NEGR1: variants seen among roughly 807,000 people sequenced by gnomAD.
The protein encoded by NEGR1 is IgLON family member 4.
A neutral mutation model predicts 40.9 loss-of-function variants in NEGR1; 10 were observed. The ratio of observed to expected loss-of-function variants is 0.24; its 90% CI spans 0.15 to 0.42. The LOEUF is 0.42. NEGR1 is among the 10% of genes least tolerant of loss of function. NEGR1 has a pLI of 1.00. For synonymous variants in NEGR1, 185 were observed against 166.8 expected, an observed-to-expected ratio of 1.11 and a Z score of -0.84; for missense variants, 352 against 438.9, an observed-to-expected ratio of 0.80 and a Z score of 1.77.
intron 6 of NEGR1, among the ~76,000 whole-genome samples, chr1:71,414,367 A>G (rs1372762537): frequency 6.6e-6 from 1 of 152,196 alleles, no homozygotes; most frequent in Non-Finnish European, 1.5e-5. Flanking sequence ...CCGGAGGCTC[A>G]GATTACACTT....
rs1481839967 is a variant in NEGR1 at position 71,935,294 on chromosome 1, C to G, written c.194G>C (p.Gly65Ala). ...TAVLRCYLED[G>A]ASKGAWLNRS... is the part of the protein sequence containing the mutation. ...GTTCAGCCAGGCACCCTTTGAAGCT[C>G]CATCTTCCAAATAACACCTACAAAT... Residue 65 changes from glycine to alanine, a missense_variant, in exon 2 of 7, where the codon GGA becomes GCA. Coordinates refer to ENST00000357731, the MANE Select transcript of NEGR1 (RefSeq NM_173808.3). 1.2e-6 allele frequency: 2 copies of G among 1,612,396 alleles called. No homozygotes were observed. The highest frequency in any genetic ancestry group is 4.5e-5 in the East Asian group (2 of 44,882).
intron 4 of NEGR1, among the ~76,000 whole-genome samples, chr1:71,630,305 G>A (rs1650930851): frequency 1.3e-5 from 2 of 151,890 alleles, no homozygotes; most frequent in Admixed American, 1.3e-4. Flanking sequence ...GTTTATAAAC[G>A]ATACAGGATG....
At chr1:71,913,975 C>T (rs1661497527) in intron 2 of NEGR1, among the ~76,000 whole-genome samples, 5 of 152,090 alleles carry the variant, frequency 3.3e-5, no homozygotes, top group African/African-American at 9.7e-5. Context: ...GAGTTGATCA[C>T]AATACCAACA....
At chr1:71,470,749 A>G (rs932936974) in intron 6 of NEGR1, among the ~76,000 whole-genome samples, 2 of 152,146 alleles carry the variant, frequency 1.3e-5, no homozygotes, top group Non-Finnish European at 2.9e-5. Flanking sequence ...AAAAGGTGCA[A>G]ATGTCATACA....
At chr1:71,706,262 G>A (rs1014348188) in intron 3 of NEGR1, among the ~76,000 whole-genome samples, 6 of 152,164 alleles carry the variant, frequency 3.9e-5, no homozygotes, top group Non-Finnish European at 8.8e-5. Flanking sequence ...CTCAGCTGAT[G>A]CCCATCCGCA....
At position 71,710,620 on chromosome 1, in the gene NEGR1, G is replaced by A. The variant is rs575901171; in HGVS notation, c.536-12481C>T. Among the ~76,000 whole-genome samples the A allele has an allele frequency of 4.6e-5, 7 of 152,070 alleles. 1 individual carries two copies. In the East Asian group the frequency reaches 1.3e-3, roughly 29 times the overall value. On this transcript the variant is annotated intron_variant, in intron 3 of 6. Coordinates refer to ENST00000357731, the MANE Select transcript of NEGR1 (RefSeq NM_173808.3). ...CATTATGTTAAGTGAAATATGCCAG[G>A]CACAGAAAGACAAACAATCGCATGT... is the stretch of plus-strand genomic sequence containing the variant.
At chr1:72,185,989 A>G (rs981731603) in intron 1 of NEGR1, among the ~76,000 whole-genome samples, 1 of 151,836 alleles carries the variant, frequency 6.6e-6, no homozygotes, top group African/African-American at 2.4e-5. Context: ...AAATATAGAA[A>G]ATATTATAAA....
chr1:72,169,093 A>C (rs1651871007), intron 1 of NEGR1, among the ~76,000 whole-genome samples: 3 of 152,190 alleles, frequency 2.0e-5, no homozygotes, highest in African/African-American at 7.2e-5. Flanking sequence ...TATCATAAGA[A>C]AAATGTATTA....
At chr1:71,864,036 A>T (rs1660039005) in intron 2 of NEGR1, among the ~76,000 whole-genome samples, 1 of 152,204 alleles carries the variant, frequency 6.6e-6, no homozygotes. Context: ...TTCATATACT[A>T]TGTCACATCT....
chr1:71,477,156 T>C (rs1202710143), intron 6 of NEGR1, among the ~76,000 whole-genome samples: 1 of 152,116 alleles, frequency 6.6e-6, no homozygotes, highest in Non-Finnish European at 1.5e-5. Flanking sequence ...GCTTAACCAG[T>C]GCAGTTTAAA....
At chr1:71,836,725 G>A (rs1659046481) in intron 2 of NEGR1, among the ~76,000 whole-genome samples, 2 of 151,944 alleles carry the variant, frequency 1.3e-5, no homozygotes, top group Admixed American at 6.6e-5. Flanking sequence ...AGTACTCCTT[G>A]CTATTGTTAA....
chr1:72,043,570 T>C (rs932683427), intron 1 of NEGR1, among the ~76,000 whole-genome samples: 2 of 151,864 alleles, frequency 1.3e-5, no homozygotes, highest in Non-Finnish European at 2.9e-5. Context: ...CACATTGGAT[T>C]AAAAGTAAAA....
intron 3 of NEGR1, among the ~76,000 whole-genome samples, chr1:71,731,874 C>T (rs1299286239): frequency 6.6e-6 from 1 of 152,104 alleles, no homozygotes; most frequent in Non-Finnish European, 1.5e-5. Flanking sequence ...TGATATCTTC[C>T]CTTATTCACC....
chr1:71,747,494 A>G (rs1209815286), intron 3 of NEGR1, among the ~76,000 whole-genome samples: 1 of 150,698 alleles, frequency 6.6e-6, no homozygotes, highest in Non-Finnish European at 1.5e-5. Flanking sequence ...GCATGACCTC[A>G]GTTCAATGCA....
chr1:72,229,781 C>G (rs1294436392), intron 1 of NEGR1, among the ~76,000 whole-genome samples: 1 of 151,904 alleles, frequency 6.6e-6, no homozygotes, highest in African/African-American at 2.4e-5. Flanking sequence ...CAAAGGTGTT[C>G]TCTCCTAATA....
intron 1 of NEGR1, among the ~76,000 whole-genome samples, chr1:71,986,002 A>G (rs931739619): frequency 2.0e-5 from 3 of 152,206 alleles, no homozygotes; most frequent in African/African-American, 7.2e-5. Flanking sequence ...AACTGAGAAC[A>G]TATTTAAGAA....
chr1:71,500,020 CTTAT>C (rs1557547169), intron 6 of NEGR1, among the ~76,000 whole-genome samples: 1 of 151,888 alleles, frequency 6.6e-6, no homozygotes, highest in Non-Finnish European at 1.5e-5. Flanking sequence ...AATTAAAAGG[CTTAT>C]TTAATGGAGG....
At chr1:71,709,046 G>A (rs990589381) in intron 3 of NEGR1, among the ~76,000 whole-genome samples, 1 of 152,134 alleles carries the variant, frequency 6.6e-6, no homozygotes, top group South Asian at 2.1e-4. Context: ...AAACAGTGCT[G>A]CAATGAACAT....
intron 3 of NEGR1, among the ~76,000 whole-genome samples, chr1:71,716,564 T>C (rs1309949545): frequency 6.6e-6 from 1 of 152,162 alleles, no homozygotes; most frequent in Non-Finnish European, 1.5e-5. Context: ...ATGGTATTTT[T>C]ATTTGACAGT....
Sources: gnomAD v4.1 joint callset for allele counts (sites outside exome capture counted in the v4.1 genomes callset) on GRCh38, gnomAD v4.1.1 for gene constraint, MANE v1.5 for transcripts, NCBI Gene and HGNC (gene_info 2026-07-23, HGNC 2026-07-21) for gene names.